The following RAD51B variants were observed in gnomAD, a reference collection of about 807,000 sequenced individuals.
The protein encoded by RAD51B is RAD51 paralog B.
Under a neutral mutation model 42.2 loss-of-function variants are expected in RAD51B, and 38 were observed. The ratio of observed to expected loss-of-function variants is 0.90; its 90% CI spans 0.70 to 1.18. The LOEUF (loss-of-function observed/expected upper bound fraction) is 1.18, where lower values mean the gene tolerates loss of function less well. RAD51B is among the 50% of genes most tolerant of loss of function. The probability of loss-of-function intolerance (pLI) is 0.00; values close to 1 mark genes in which losing one functional copy is unlikely to be tolerated. For missense variants in RAD51B, 373 were observed against 400.7 expected (o/e 0.93, Z 0.59); for synonymous variants, 154 against 145.2 (o/e 1.06, Z -0.43).
chr14:68,356,846 G>A (rs1385357688), intron 8 of RAD51B, among the ~76,000 whole-genome samples: 17 of 151,992 alleles, frequency 1.1e-4, no homozygotes, highest in Middle Eastern at 3.4e-3. Flanking sequence ...AGCCGGGCGC[G>A]GTGGCGGGCG....
intron 8 of RAD51B, among the ~76,000 whole-genome samples, chr14:68,313,481 C>T (rs1375725054): frequency 6.6e-6 from 1 of 152,196 alleles, no homozygotes; most frequent in African/African-American, 2.4e-5. Flanking sequence ...GCCCAACTCC[C>T]ACCAGCTGAG....
chr14:68,009,667 C>T (rs2075651628), intron 7 of RAD51B, among the ~76,000 whole-genome samples: 1 of 151,876 alleles, frequency 6.6e-6, no homozygotes, highest in African/African-American at 2.4e-5. Context: ...GTTCCCTGCT[C>T]AAGCATCACC....
chr14:68,390,224 G>A lies in RAD51B; in HGVS notation c.854-21200G>A, dbSNP rs1165560027. On this transcript the variant is annotated intron_variant, in intron 8 of 10. Transcript: ENST00000471583. The stretch of plus-strand genomic sequence containing the variant: ...TGTTGTGGATATAGTTGCTGAGCTA[G>A]GTCATAACTAGATTGCAAATCTTGA... Among the ~76,000 whole-genome samples, 5 of 152,138 alleles carry A rather than the reference G, an allele frequency of 3.3e-5. No individual in the cohort carries two copies. The East Asian group carries it at 9.6e-4, about 29-fold the overall frequency.
intron 7 of RAD51B, among the ~76,000 whole-genome samples, chr14:67,945,510 C>T (rs899486904): frequency 4.6e-5 from 7 of 151,994 alleles, no homozygotes; most frequent in Non-Finnish European, 8.8e-5. Flanking sequence ...TTTTTTGTGA[C>T]GAAGTGTTGC....
chr14:68,650,892 A>G, intron 11 of RAD51B: 1 of 725,380 alleles, frequency 1.4e-6, no homozygotes, highest in Non-Finnish European at 2.5e-6. Context: ...CACAACAGGG[A>G]AAAGTAACCA....
intron 7 of RAD51B, among the ~76,000 whole-genome samples, chr14:68,095,030 G>T (rs1275576795): frequency 6.6e-6 from 1 of 152,184 alleles, no homozygotes; most frequent in African/African-American, 2.4e-5. Context: ...TAGTTCATAT[G>T]GAGAGCAGGC....
intron 7 of RAD51B, among the ~76,000 whole-genome samples, chr14:68,056,566 C>T (rs1163469551): frequency 1.3e-5 from 2 of 151,560 alleles, no homozygotes; most frequent in Non-Finnish European, 2.9e-5. Flanking sequence ...CTGGGCAACA[C>T]GGTGAAACCC....
At chr14:67,839,386 T>C (rs2041352059) in intron 4 of RAD51B, among the ~76,000 whole-genome samples, 1 of 152,118 alleles carries the variant, frequency 6.6e-6, no homozygotes. Flanking sequence ...ATTTTCTATT[T>C]CTTCTTGATT....
chr14:68,518,318 C>G (rs151194540), intron 10 of RAD51B, among the ~76,000 whole-genome samples: 18 of 152,376 alleles, frequency 1.2e-4, no homozygotes, highest in Admixed American at 2.6e-4. Flanking sequence ...CCACACCTGA[C>G]TGGGCTCAGC....
chr14:68,481,979 T>C (rs150669361), downstream of RAD51B, among the ~76,000 whole-genome samples: 274 of 152,280 alleles, frequency 1.8e-3, 1 homozygote, highest in Non-Finnish European at 2.7e-3. Context: ...GCAGAAGACA[T>C]GCACAGGAAA....
intron 5 of RAD51B, among the ~76,000 whole-genome samples, chr14:67,883,806 C>G (rs2042987352): frequency 6.6e-6 from 1 of 152,064 alleles, no homozygotes; most frequent in Non-Finnish European, 1.5e-5. Flanking sequence ...TTGTTCATTG[C>G]CATATTCTCA....
chr14:67,877,527 G>A, intron 5 of RAD51B, among the ~76,000 whole-genome samples: 1 of 151,944 alleles, frequency 6.6e-6, no homozygotes, highest in East Asian at 1.9e-4. Flanking sequence ...TTCCCATTGG[G>A]CTTCTAGTCT....
intron 7 of RAD51B, among the ~76,000 whole-genome samples, chr14:67,953,873 G>A (rs1325253939): frequency 3.3e-5 from 5 of 152,136 alleles, no homozygotes; most frequent in Admixed American, 3.3e-4. Context: ...AGATGAATGT[G>A]TAGGGGCATA....
intron 9 of RAD51B, among the ~76,000 whole-genome samples, chr14:68,421,324 C>T (rs186828609): frequency 2.0e-5 from 3 of 152,102 alleles, no homozygotes; most frequent in Admixed American, 1.3e-4. Context: ...GATGCTACGC[C>T]GCCTGAGCCT....
chr14:68,541,787 A>G (rs1594957114), intron 10 of RAD51B: 1 of 985,430 alleles, frequency 1.0e-6, no homozygotes. Context: ...GCACTTAAAA[A>G]TGACTTTAAA....
chr14:68,497,276 A>G, intron 10 of RAD51B: 1 of 1,313,792 alleles, frequency 7.6e-7, no homozygotes, highest in South Asian at 1.4e-5. Flanking sequence ...GCTACTGTGT[A>G]GACTCAGCTT....
At chr14:67,829,316 C>T (rs540756145) in intron 3 of RAD51B, among the ~76,000 whole-genome samples, 1 of 151,862 alleles carries the variant, frequency 6.6e-6, no homozygotes, top group African/African-American at 2.4e-5. Flanking sequence ...AATCTTGGCT[C>T]ACTGCAAGCT....
chr14:68,629,126 A>G (rs1892165497), intron 10 of RAD51B, among the ~76,000 whole-genome samples: 1 of 151,988 alleles, frequency 6.6e-6, no homozygotes, highest in African/African-American at 2.4e-5. Flanking sequence ...AGTGGCCCCC[A>G]GGGGAAATCA....
intron 10 of RAD51B, among the ~76,000 whole-genome samples, chr14:68,604,825 C>CTGAGTGAGTGAATGAA (rs1555431046): frequency 1.3e-5 from 2 of 151,980 alleles, no homozygotes; most frequent in African/African-American, 4.8e-5. Context: ...TCAGGGCTCC[C>CTGAGTGAGTGAATGAA]TGAGTGAGTG....
Sources: allele counts gnomAD v4.1 joint callset (sites outside exome capture counted in the v4.1 genomes callset), GRCh38; gene constraint gnomAD v4.1.1; transcripts MANE v1.5; gene names NCBI Gene and HGNC (gene_info 2026-07-23, HGNC 2026-07-21).